Variants in DAB1 observed in about 807,000 individuals in gnomAD.
DAB1 encodes the protein disabled homolog 1.
DAB1 carries 15 observed loss-of-function variants against 64.6 expected under a neutral mutation model. The observed-to-expected ratio is 0.23, with a 90% confidence interval of 0.16 to 0.36. The LOEUF (loss-of-function observed/expected upper bound fraction) is 0.36, where lower values mean the gene tolerates loss of function less well. Ranked by LOEUF, DAB1 falls within the 10% of genes least tolerant of loss-of-function variation. The probability of loss-of-function intolerance (pLI) is 1.00; values close to 1 mark genes in which losing one functional copy is unlikely to be tolerated. For synonymous variants in DAB1, 235 were observed against 251.9 expected, an observed-to-expected ratio of 0.93 and a Z score of 0.64; for missense variants, 596 against 706.7, an observed-to-expected ratio of 0.84 and a Z score of 1.78.
intron 4 of DAB1, among the ~76,000 whole-genome samples, chr1:57,123,743 G>A (rs1046449876): frequency 6.6e-6 from 1 of 152,186 alleles, no homozygotes; most frequent in Admixed American, 6.5e-5. Context: ...TGAAAATATT[G>A]TTGTAGAAGA....
intron 5 of DAB1, among the ~76,000 whole-genome samples, chr1:58,148,481 C>T (rs1225614173): frequency 1.3e-5 from 2 of 152,196 alleles, no homozygotes; most frequent in African/African-American, 4.8e-5. Context: ...TTCTTTCTCC[C>T]TTGCAAACTA....
intron 3 of DAB1, among the ~76,000 whole-genome samples, chr1:58,345,862 C>T (rs1643990885): frequency 6.6e-6 from 1 of 152,152 alleles, no homozygotes. Context: ...TGACCTTAGG[C>T]TTCCTTGGGG....
intron 7 of DAB1, among the ~76,000 whole-genome samples, chr1:57,547,590 C>T (rs1332428651): frequency 6.6e-6 from 1 of 152,044 alleles, no homozygotes; most frequent in Admixed American, 6.5e-5. Flanking sequence ...TCAGAAGAAC[C>T]CCAGAGACAG....
intron 7 of DAB1, among the ~76,000 whole-genome samples, chr1:57,645,998 AAG>A (rs1646187712): frequency 6.6e-6 from 1 of 152,236 alleles, no homozygotes; most frequent in East Asian, 1.9e-4. Flanking sequence ...AATAAAAACA[AAG>A]AGTCATATAG....
At chr1:57,336,842 A>C (rs1294420046) in intron 1 of DAB1, among the ~76,000 whole-genome samples, 1 of 152,164 alleles carries the variant, frequency 6.6e-6, no homozygotes, top group Non-Finnish European at 1.5e-5. Flanking sequence ...CCCATTTTAC[A>C]GATAAGGAAA....
chr1:57,450,501 G>A (rs1370498500), intron 7 of DAB1, among the ~76,000 whole-genome samples: 1 of 152,154 alleles, frequency 6.6e-6, no homozygotes, highest in Non-Finnish European at 1.5e-5. Context: ...CTCTTAAAGA[G>A]AGATTGAAAT....
chr1:57,162,438 T>C (rs1660840253), intron 2 of DAB1, among the ~76,000 whole-genome samples: 1 of 152,216 alleles, frequency 6.6e-6, no homozygotes, highest in African/African-American at 2.4e-5. Flanking sequence ...GCAGAACCCC[T>C]AACTTAGAGC....
chr1:57,242,490 C>T (rs1668567577), intron 2 of DAB1, among the ~76,000 whole-genome samples: 2 of 152,148 alleles, frequency 1.3e-5, no homozygotes, highest in African/African-American at 4.8e-5. Flanking sequence ...TCGATTAGCA[C>T]ATATGGGTCT....
chr1:58,075,044 C>G (rs1246754030), intron 5 of DAB1, among the ~76,000 whole-genome samples: 1 of 152,154 alleles, frequency 6.6e-6, no homozygotes, highest in Non-Finnish European at 1.5e-5. Context: ...CAAATACTAC[C>G]TCTTCCATCC....
intron 5 of DAB1, among the ~76,000 whole-genome samples, chr1:58,114,318 G>C (rs1006559564): frequency 2.0e-5 from 3 of 152,180 alleles, no homozygotes; most frequent in East Asian, 3.9e-4. Flanking sequence ...ACCATATGTA[G>C]AGCCTCCTGA....
chr1:57,776,755 T>C (rs1195460969), intron 6 of DAB1, among the ~76,000 whole-genome samples: 3 of 151,868 alleles, frequency 2.0e-5, no homozygotes, highest in Non-Finnish European at 2.9e-5. Flanking sequence ...CTTCTATCTG[T>C]TGTAATATTG....
chr1:58,234,314 C>A (rs1344812983), intron 4 of DAB1, among the ~76,000 whole-genome samples: 4 of 152,196 alleles, frequency 2.6e-5, no homozygotes, highest in East Asian at 3.8e-4. Flanking sequence ...TATGATCTTG[C>A]CTTCTGGCAC....
At chr1:58,170,112 T>C (rs1461914512) in intron 4 of DAB1, among the ~76,000 whole-genome samples, 1 of 152,148 alleles carries the variant, frequency 6.6e-6, no homozygotes, top group Non-Finnish European at 1.5e-5. Flanking sequence ...AAGTAAATGA[T>C]AGAATCACAG....
chr1:57,486,266 G>A (rs960151938), intron 7 of DAB1, among the ~76,000 whole-genome samples: 5 of 152,016 alleles, frequency 3.3e-5, no homozygotes, highest in South Asian at 2.1e-4. Flanking sequence ...GCTTTGGTTC[G>A]GTCTATTTTC....
At chr1:58,212,140 A>G (rs1253840966) in intron 4 of DAB1, among the ~76,000 whole-genome samples, 3 of 152,138 alleles carry the variant, frequency 2.0e-5, no homozygotes, top group Non-Finnish European at 4.4e-5. Context: ...TGCAGAGTGT[A>G]TTCTCCCTGG....
At chr1:57,415,442 T>C (rs560239476) in intron 1 of DAB1, among the ~76,000 whole-genome samples, 1 of 152,066 alleles carries the variant, frequency 6.6e-6, no homozygotes, top group Non-Finnish European at 1.5e-5. Flanking sequence ...CCATAAAAGA[T>C]TGATAAATTC....
At chr1:58,467,792 A>G (rs1373100561) in intron 3 of DAB1, 1 of 152,262 alleles carries the variant, frequency 6.6e-6, no homozygotes, top group Admixed American at 6.5e-5. Flanking sequence ...AAGCGTAGGT[A>G]TAATGAACAA....
At chr1:57,548,380 G>A (rs973548538) in intron 7 of DAB1, among the ~76,000 whole-genome samples, 9 of 152,064 alleles carry the variant, frequency 5.9e-5, no homozygotes, top group Non-Finnish European at 1.0e-4. Flanking sequence ...CCATGACAGC[G>A]TTCACATTCT....
At chr1:58,512,478 C>G (rs1468808619) in intron 2 of DAB1, among the ~76,000 whole-genome samples, 5 of 152,082 alleles carry the variant, frequency 3.3e-5, no homozygotes, top group Non-Finnish European at 7.4e-5. Context: ...TTCACAATAG[C>G]CAAGATGTGG....
Sources: gnomAD v4.1 joint callset for allele counts (sites outside exome capture counted in the v4.1 genomes callset) on GRCh38, gnomAD v4.1.1 for gene constraint, MANE v1.5 for transcripts, NCBI Gene and HGNC (gene_info 2026-07-23, HGNC 2026-07-21) for gene names.